Variants in SPAG16 observed in about 807,000 individuals in gnomAD.
The protein encoded by SPAG16 is sperm associated antigen 16.
A neutral mutation model predicts 80.4 loss-of-function variants in SPAG16; 86 were observed. The observed-to-expected ratio is 1.07, with a 90% CI of 0.90 to 1.28. The LOEUF (loss-of-function observed/expected upper bound fraction) is 1.28. SPAG16 is among the 50% of genes most tolerant of loss of function. The pLI is 0.00. For missense variants in SPAG16, 870 were observed against 765.3 expected, an observed-to-expected ratio of 1.14 and a Z score of -1.61; for synonymous variants, 294 against 265.9, an observed-to-expected ratio of 1.11 and a Z score of -1.03.
rs1305668782 is a variant in SPAG16, at chr2:214,187,782, C to CT, written c.1720+38527dup. On this transcript the variant is annotated intron_variant, in intron 15 of 15. Coordinates refer to ENST00000331683, the MANE Select transcript of SPAG16 (RefSeq NM_024532.5). ...CTCTTATAACTCCATATCGCTTAAC[C>CT]TTTTTTTTTTTCTGGTCGGAGGAAA... 4.9e-3 allele frequency among the ~76,000 whole-genome samples: 717 copies of CT among 146,616 alleles called. 8 individuals carry two copies. The highest frequency in any genetic ancestry group is 0.025 in the Admixed American group (367 of 14,690).
In SPAG16 at chr2:214,098,913, C is replaced by CT. The variant is rs35821000; in HGVS notation, c.1528-9274dup. ...AAGTAGCTTGTATTGGTCAATGAGA[C>CT]TTTTTTTTTGCCAGTTACAGAAGTA... On this transcript the variant is annotated intron_variant, in intron 13 of 15. Transcript: ENST00000331683. Among the ~76,000 whole-genome samples, 106 of 151,238 alleles carry CT rather than the reference C, an allele frequency of 7.0e-4. No homozygotes were observed. The East Asian group carries it at 0.011, about 16-fold the overall frequency.
intron 9 of SPAG16, among the ~76,000 whole-genome samples, chr2:213,389,767 A>G (rs2067644332): frequency 6.6e-6 from 1 of 152,188 alleles, no homozygotes; most frequent in South Asian, 2.1e-4. Context: ...AATTGGAACC[A>G]TTGTTCACTA....
intron 8 of SPAG16, among the ~76,000 whole-genome samples, chr2:213,374,208 C>T (rs1225226090): frequency 6.6e-5 from 10 of 152,098 alleles, no homozygotes; most frequent in Admixed American, 6.6e-4. Flanking sequence ...TAAATGCCAG[C>T]CATTTTCTTC....
intron 10 of SPAG16, among the ~76,000 whole-genome samples, chr2:213,621,277 C>A (rs1178556701): frequency 6.6e-6 from 1 of 152,068 alleles, no homozygotes; most frequent in East Asian, 1.9e-4. Flanking sequence ...TTTTCCAGGG[C>A]AGACACTATA....
At chr2:214,396,727 AT>A (rs1701405833) in intron 15 of SPAG16, among the ~76,000 whole-genome samples, 1 of 152,048 alleles carries the variant, frequency 6.6e-6, no homozygotes, top group South Asian at 2.1e-4. Context: ...CCACAAAATA[AT>A]TTTTATCTAT....
intron 10 of SPAG16, among the ~76,000 whole-genome samples, chr2:213,596,063 C>T (rs2060876692): frequency 6.6e-6 from 1 of 152,032 alleles, no homozygotes; most frequent in South Asian, 2.1e-4. Context: ...TTACCAGCAG[C>T]ATTTATTTGT....
At chr2:213,997,202 T>C (rs2046564536) in intron 12 of SPAG16, among the ~76,000 whole-genome samples, 1 of 152,164 alleles carries the variant, frequency 6.6e-6, no homozygotes, top group Non-Finnish European at 1.5e-5. Context: ...CTTTCACCTT[T>C]GCTTATAGTT....
chr2:213,907,708 A>G (rs766925082), intron 11 of SPAG16, among the ~76,000 whole-genome samples: 1 of 152,140 alleles, frequency 6.6e-6, no homozygotes, highest in East Asian at 1.9e-4. Flanking sequence ...ATGAAATCCT[A>G]TTATTCACAG....
At chr2:213,529,292 T>A (rs1403033915) in intron 10 of SPAG16, among the ~76,000 whole-genome samples, 1 of 152,224 alleles carries the variant, frequency 6.6e-6, no homozygotes, top group Non-Finnish European at 1.5e-5. Context: ...GGTCTGCTGG[T>A]CAACCAGGCT....
At chr2:213,520,599 A>G (rs1040446188) in intron 10 of SPAG16, among the ~76,000 whole-genome samples, 2 of 152,178 alleles carry the variant, frequency 1.3e-5, no homozygotes, top group Non-Finnish European at 2.9e-5. Context: ...ATCTCAAAAA[A>G]GACAAGATAA....
chr2:213,766,706 A>C (rs775019990), intron 10 of SPAG16, among the ~76,000 whole-genome samples: 57 of 152,204 alleles, frequency 3.7e-4, no homozygotes, highest in Non-Finnish European at 7.1e-4. Flanking sequence ...GGAATGGAAA[A>C]GTGAAGTACA....
chr2:213,881,165 GA>G (rs2076329876), intron 11 of SPAG16, among the ~76,000 whole-genome samples: 1 of 152,052 alleles, frequency 6.6e-6, no homozygotes, highest in African/African-American at 2.4e-5. Context: ...TCTCTTTATA[GA>G]GATATCTCAT....
At chr2:213,697,428 G>A (rs2065204097) in intron 10 of SPAG16, among the ~76,000 whole-genome samples, 1 of 152,118 alleles carries the variant, frequency 6.6e-6, no homozygotes, top group Non-Finnish European at 1.5e-5. Context: ...CTGAATAATG[G>A]TCCCCAAAGA....
At position 214,099,118 on chromosome 2, in the gene SPAG16, G is replaced by A. The variant is rs1218027525; in HGVS notation, c.1528-9078G>A. Among the ~76,000 whole-genome samples the A allele has an allele frequency of 2.0e-5, 3 of 152,028 alleles. No homozygotes were observed. The East Asian group carries it at 5.8e-4, about 29-fold the overall frequency. ...CTCTGATTGTTTACTTGTAAGCAGG[G>A]CTGTAGAACTGTTGCTAATTGATTA... On this transcript the variant is annotated intron_variant, in intron 13 of 15. Transcript: ENST00000331683.
intron 10 of SPAG16, among the ~76,000 whole-genome samples, chr2:213,811,112 A>T (rs2125667652): frequency 6.6e-6 from 1 of 152,334 alleles, no homozygotes; most frequent in Non-Finnish European, 1.5e-5. Context: ...ACACTTTTAC[A>T]AATAATTAAA....
chr2:214,356,440 C>G (rs899315945), intron 15 of SPAG16, among the ~76,000 whole-genome samples: 2 of 151,892 alleles, frequency 1.3e-5, no homozygotes, highest in Admixed American at 6.6e-5. Context: ...TCTCTCTGCC[C>G]TCTTCTCTGT....
intron 5 of SPAG16, among the ~76,000 whole-genome samples, chr2:213,329,198 A>T (rs1251164895): frequency 6.6e-6 from 1 of 152,222 alleles, no homozygotes; most frequent in Non-Finnish European, 1.5e-5. Context: ...ATTGCTGAAA[A>T]GATACCAGAA....
chr2:213,788,662 G>A (rs572130684), intron 10 of SPAG16, among the ~76,000 whole-genome samples: 1 of 152,014 alleles, frequency 6.6e-6, no homozygotes, highest in South Asian at 2.1e-4. Flanking sequence ...CCTTAGAATA[G>A]ACTACATCAC....
At chr2:213,899,838 C>T (rs940991046) in intron 11 of SPAG16, among the ~76,000 whole-genome samples, 3 of 151,962 alleles carry the variant, frequency 2.0e-5, no homozygotes, top group Admixed American at 1.3e-4. Context: ...TCTATTTTTA[C>T]CTTCCAAATG....
Sources: allele counts gnomAD v4.1 joint callset (sites outside exome capture counted in the v4.1 genomes callset), GRCh38; gene constraint gnomAD v4.1.1; transcripts MANE v1.5; gene names NCBI Gene and HGNC (gene_info 2026-07-23, HGNC 2026-07-21).